LDLRAD3: variants seen among roughly 807,000 people sequenced by gnomAD.
The protein encoded by LDLRAD3 is low-density lipoprotein receptor class A domain-containing protein 3.
A neutral mutation model predicts 29.4 loss-of-function variants in LDLRAD3; 20 were observed. The ratio of observed to expected loss-of-function variants is 0.68; its 90% CI spans 0.48 to 0.99. LDLRAD3 has a LOEUF of 0.99. Ranked by LOEUF, LDLRAD3 falls within the 50% of genes least tolerant of loss-of-function variation. The probability of loss-of-function intolerance (pLI) is 0.00; values close to 1 mark genes in which losing one functional copy is unlikely to be tolerated. For synonymous variants in LDLRAD3, 157 were observed against 192.7 expected, an observed-to-expected ratio of 0.81 and a Z score of 1.53; for missense variants, 420 against 454.3, an observed-to-expected ratio of 0.92 and a Z score of 0.69.
At chr11:36,167,465 A>G (rs1269672699) in intron 4 of LDLRAD3, among the ~76,000 whole-genome samples, 4 of 150,464 alleles carry the variant, frequency 2.7e-5, no homozygotes, top group Non-Finnish European at 4.4e-5. Context: ...AATATGTCTC[A>G]TGTCCCTGTA....
At chr11:36,119,995 G>A (rs1350819846) in intron 4 of LDLRAD3, among the ~76,000 whole-genome samples, 1 of 152,160 alleles carries the variant, frequency 6.6e-6, no homozygotes, top group East Asian at 1.9e-4. Flanking sequence ...TTCATTTTGA[G>A]TTCATATTTA....
intron 2 of LDLRAD3, among the ~76,000 whole-genome samples, chr11:36,054,747 A>G (rs538731371): frequency 1.5e-3 from 227 of 150,784 alleles, no homozygotes; most frequent in South Asian, 7.0e-3. Context: ...GGAAGTATGC[A>G]TGGATGCTTG....
intron 1 of LDLRAD3, among the ~76,000 whole-genome samples, chr11:36,019,231 C>T (rs148562469): frequency 2.3e-3 from 347 of 152,250 alleles, no homozygotes; most frequent in African/African-American, 7.7e-3. Context: ...AGCTGATTAT[C>T]GCGGGTGTTC....
At chr11:35,979,570 G>C (rs16928183) in intron 1 of LDLRAD3, among the ~76,000 whole-genome samples, 4,655 of 152,258 alleles carry the variant, frequency 0.031, 265 homozygotes, top group African/African-American at 0.11. Context: ...GGATTTCTCA[G>C]GTTAGCGGAG....
intron 3 of LDLRAD3, among the ~76,000 whole-genome samples, chr11:36,088,164 C>T (rs766941265): frequency 6.6e-6 from 1 of 152,074 alleles, no homozygotes; most frequent in African/African-American, 2.4e-5. Flanking sequence ...CCCCCAAAAC[C>T]AGTATTTTCT....
intron 2 of LDLRAD3, among the ~76,000 whole-genome samples, chr11:36,074,921 A>C (rs1852971127): frequency 6.6e-6 from 1 of 152,218 alleles, no homozygotes. Context: ...GCATTAACGC[A>C]GCAGGCCTGA....
intron 4 of LDLRAD3, among the ~76,000 whole-genome samples, chr11:36,164,705 GA>G (rs1240150944): frequency 1.3e-5 from 2 of 152,262 alleles, no homozygotes; most frequent in Non-Finnish European, 2.9e-5. Context: ...GCTTAAAGCT[GA>G]CAGCTCTGAC....
chr11:36,130,689 A>C (rs151140967), intron 4 of LDLRAD3, among the ~76,000 whole-genome samples: 1 of 152,300 alleles, frequency 6.6e-6, no homozygotes, highest in East Asian at 1.9e-4. Flanking sequence ...TCAAGGCACT[A>C]TGTTAATGTT....
intron 1 of LDLRAD3, among the ~76,000 whole-genome samples, chr11:35,989,358 C>A (rs576063744): frequency 6.6e-6 from 1 of 152,188 alleles, no homozygotes; most frequent in Admixed American, 6.5e-5. Flanking sequence ...TCTTTGGGCT[C>A]TTTTTTGGTT....
In LDLRAD3 at chr11:36,229,187, G is replaced by A. The variant is rs114075493; in HGVS notation, c.828G>A (p.Pro276=). Residue 276 remains proline (P), a synonymous_variant, in exon 6 of 6, where the codon CCG becomes CCA. Transcript: ENST00000315571. ...QRPAWYDLPP[P]PYSSDTESLN... ...CTGCGTGGTATGACCTTCCTCCACC[G>A]CCCTACTCTTCTGACACGGAATCTC... The A allele has an allele frequency of 2.5e-4, 403 of 1,613,676 alleles. 1 individual carries two copies. Among genetic ancestry groups the A allele is most frequent in the African/African-American group, 2.0e-3 (152 of 74,846 alleles).
chr11:36,135,962 A>C (rs1853998268), intron 4 of LDLRAD3, among the ~76,000 whole-genome samples: 1 of 152,130 alleles, frequency 6.6e-6, no homozygotes. Context: ...AGTATTTGGC[A>C]TTTTCCAAAA....
chr11:36,169,536 A>T (rs1185422371), intron 4 of LDLRAD3, among the ~76,000 whole-genome samples: 1 of 152,178 alleles, frequency 6.6e-6, no homozygotes, highest in African/African-American at 2.4e-5. Context: ...TGTAAGTGAG[A>T]ACATGTAATA....
rs1308183730 is a variant in LDLRAD3 at position 36,097,965 on chromosome 11, C to T, written c.320-362C>T. Reference sequence around the variant, plus strand: ...TAGCCTGGTCTAAAAGTTAATGTTCCTAAGAATGACCCTGTGCTGTCACCA... The same window carrying T: ...TAGCCTGGTCTAAAAGTTAATGTTCTTAAGAATGACCCTGTGCTGTCACCA... On this transcript the variant is annotated intron_variant, in intron 3 of 5. Coordinates refer to ENST00000315571, the MANE Select transcript of LDLRAD3 (RefSeq NM_174902.4). 2.0e-5 allele frequency among the ~76,000 whole-genome samples: 3 copies of T among 152,208 alleles called. No homozygotes were observed. The East Asian group carries it at 5.8e-4, about 29-fold the overall frequency.
chr11:36,181,468 G>A (rs988853607), intron 4 of LDLRAD3, among the ~76,000 whole-genome samples: 1 of 152,068 alleles, frequency 6.6e-6, no homozygotes, highest in Non-Finnish European at 1.5e-5. Flanking sequence ...ACAGAGTCAG[G>A]TGAAGTGTCT....
chr11:35,969,688 T>C (rs1426485774), intron 1 of LDLRAD3, among the ~76,000 whole-genome samples: 2 of 152,202 alleles, frequency 1.3e-5, no homozygotes, highest in South Asian at 4.1e-4. Flanking sequence ...AAGGCTTTGC[T>C]GAGCTGGAAT....
intron 4 of LDLRAD3, among the ~76,000 whole-genome samples, chr11:36,144,796 G>C (rs1271756877): frequency 8.0e-6 from 1 of 125,456 alleles, no homozygotes; most frequent in African/African-American, 3.5e-5. Context: ...CCCCGTCCGG[G>C]AGGGAGGTGG....
intron 4 of LDLRAD3, among the ~76,000 whole-genome samples, chr11:36,183,315 G>A (rs1441586095): frequency 7.9e-6 from 1 of 125,938 alleles, no homozygotes; most frequent in Non-Finnish European, 1.8e-5. Context: ...GAACTAGGGT[G>A]TGATTACTTG....
chr11:36,123,607 T>C (rs967553555), intron 4 of LDLRAD3, among the ~76,000 whole-genome samples: 1 of 152,246 alleles, frequency 6.6e-6, no homozygotes, highest in Non-Finnish European at 1.5e-5. Flanking sequence ...CAAGGTGGCA[T>C]GGCCAAGTGC....
intron 1 of LDLRAD3, among the ~76,000 whole-genome samples, chr11:35,988,683 A>C (rs1264244568): frequency 1.3e-5 from 2 of 152,038 alleles, no homozygotes; most frequent in African/African-American, 4.8e-5. Context: ...TCCTGGGTTC[A>C]AGCGATTCTC....
Sources: gnomAD v4.1 joint callset for allele counts (sites outside exome capture counted in the v4.1 genomes callset) on GRCh38, gnomAD v4.1.1 for gene constraint, MANE v1.5 for transcripts, NCBI Gene and HGNC (gene_info 2026-07-23, HGNC 2026-07-21) for gene names.